LHFPL3: variants seen among roughly 807,000 people sequenced by gnomAD.
LHFPL3 encodes LHFPL tetraspan subfamily member 3 protein.
LHFPL3 carries 5 observed loss-of-function variants against 19.3 expected under a neutral mutation model. The ratio of observed to expected loss-of-function variants is 0.26; its 90% CI spans 0.14 to 0.54. The LOEUF is 0.54. Among genes scored for constraint, LHFPL3 ranks in the 20% least tolerant of loss-of-function variants. The pLI is 0.94. For missense variants in LHFPL3, 249 were observed against 307.4 expected (o/e 0.81, Z 1.42); for synonymous variants, 133 against 126.2 (o/e 1.05, Z -0.36).
Position 104,736,566 on chromosome 7 carries a change from C to G in LHFPL3, c.446-109C>G, listed in dbSNP as rs1023714038. 18 of 735,972 alleles carry G rather than the reference C, an allele frequency of 2.4e-5. No homozygotes were observed. The Admixed American group carries it at 3.2e-4, about 13-fold the overall frequency. The allele number at this position is 735,972 out of a possible 1,614,324, so 45.6% of individuals were successfully genotyped here. ...TGGTGAGATTTGCTGTTTTTTAAAT[C>G]AAGAATAATTTGAAACAATGATTCG... On this transcript the variant is annotated intron_variant, in intron 1 of 2. Coordinates refer to ENST00000424859, the MANE Select transcript of LHFPL3 (RefSeq NM_199000.3).
chr7:104,336,267 T>C (rs1190338913), intron 1 of LHFPL3, among the ~76,000 whole-genome samples: 1 of 152,166 alleles, frequency 6.6e-6, no homozygotes, highest in African/African-American at 2.4e-5. Flanking sequence ...AGATAAGTTA[T>C]TTGATGACTT....
intron 1 of LHFPL3, among the ~76,000 whole-genome samples, chr7:104,594,145 A>G (rs938178911): frequency 3.9e-5 from 6 of 152,184 alleles, no homozygotes; most frequent in Non-Finnish European, 8.8e-5. Context: ...AGTTTTTACA[A>G]TTTGGCCTGT....
intron 1 of LHFPL3, among the ~76,000 whole-genome samples, chr7:104,394,990 C>T (rs557230463): frequency 7.2e-5 from 11 of 152,048 alleles, no homozygotes; most frequent in South Asian, 4.2e-4. Flanking sequence ...TGAGCCAGCA[C>T]GCCAGGCTGC....
chr7:104,432,774 C>T (rs1210128866), intron 1 of LHFPL3, among the ~76,000 whole-genome samples: 1 of 152,004 alleles, frequency 6.6e-6, no homozygotes, highest in Non-Finnish European at 1.5e-5. Flanking sequence ...TGATCTCTCC[C>T]CCATATCCCA....
At chr7:104,420,554 A>ATTTTTTTTTTTTTTTTTTTTTTTTTTTTT (rs71153195) in intron 1 of LHFPL3, among the ~76,000 whole-genome samples, 3 of 112,710 alleles carry the variant, frequency 2.7e-5, no homozygotes, top group Non-Finnish European at 3.5e-5. Context: ...CAAAGGGTGA[A>ATTTTTTTTTTTTTTTTTTTTTTTTTTTTT]TTTTTTTTTT....
intron 1 of LHFPL3, among the ~76,000 whole-genome samples, chr7:104,528,969 C>T (rs988029325): frequency 1.3e-5 from 2 of 152,146 alleles, no homozygotes; most frequent in African/African-American, 4.8e-5. Context: ...GCATGGCTTG[C>T]TCTAGAAACT....
chr7:104,729,506 A>G (rs1793651599), intron 1 of LHFPL3, among the ~76,000 whole-genome samples: 1 of 152,136 alleles, frequency 6.6e-6, no homozygotes, highest in Non-Finnish European at 1.5e-5. Context: ...CCTGTTGACC[A>G]GTCTCTACTT....
intron 2 of LHFPL3, among the ~76,000 whole-genome samples, chr7:104,737,132 C>A (rs1281233700): frequency 7.6e-6 from 1 of 132,210 alleles, no homozygotes; most frequent in Non-Finnish European, 1.6e-5. Flanking sequence ...CTCCCTTAGT[C>A]CATTATTATT....
At chr7:104,518,152 G>T (rs998747217) in intron 1 of LHFPL3, among the ~76,000 whole-genome samples, 1 of 152,066 alleles carries the variant, frequency 6.6e-6, no homozygotes, top group African/African-American at 2.4e-5. Context: ...AAACCACTTT[G>T]ATAATTTATC....
At position 104,476,451 on chromosome 7, in the gene LHFPL3, CTT is replaced by C. The variant is rs10708859; in HGVS notation, c.445+147239_445+147240del. ...GAAATCAATGCTCTTTAGCTTCCCT[CTT>C]TTTTTTTTTTTATTTTTATTTTTGA... is the stretch of plus-strand genomic sequence containing the variant. On this transcript the variant is annotated intron_variant, in intron 1 of 2. Coordinates refer to ENST00000424859, the MANE Select transcript of LHFPL3 (RefSeq NM_199000.3). Among the ~76,000 whole-genome samples the C allele has an allele frequency of 4.2e-3, 626 of 147,594 alleles. 4 individuals carry two copies. Among genetic ancestry groups the C allele is most frequent in the African/African-American group, 0.014 (580 of 40,318 alleles).
At chr7:104,446,525 T>C (rs1792332822) in intron 1 of LHFPL3, among the ~76,000 whole-genome samples, 1 of 152,144 alleles carries the variant, frequency 6.6e-6, no homozygotes, top group Non-Finnish European at 1.5e-5. Flanking sequence ...TCAAAACTAT[T>C]TTATGTTTCA....
At chr7:104,784,877 G>A (rs191825978) in intron 2 of LHFPL3, among the ~76,000 whole-genome samples, 1 of 152,306 alleles carries the variant, frequency 6.6e-6, no homozygotes, top group East Asian at 1.9e-4. Flanking sequence ...CAAACTCATG[G>A]AAGTAGAAAG....
At chr7:104,880,844 G>C (rs1007107583) in intron 2 of LHFPL3, among the ~76,000 whole-genome samples, 1 of 152,166 alleles carries the variant, frequency 6.6e-6, no homozygotes, top group Non-Finnish European at 1.5e-5. Context: ...ATCAAGGAGA[G>C]TAATTTCTAC....
chr7:104,848,058 G>T (rs985760228), intron 2 of LHFPL3, among the ~76,000 whole-genome samples: 1 of 152,174 alleles, frequency 6.6e-6, no homozygotes, highest in African/African-American at 2.4e-5. Flanking sequence ...GTTCTAATGC[G>T]CTGGACAAAT....
At chr7:104,744,559 G>C (rs1233743026) in intron 2 of LHFPL3, among the ~76,000 whole-genome samples, 1 of 152,188 alleles carries the variant, frequency 6.6e-6, no homozygotes, top group Non-Finnish European at 1.5e-5. Context: ...TGCCCTTATA[G>C]AATTGTCTTA....
intron 1 of LHFPL3, among the ~76,000 whole-genome samples, chr7:104,371,261 T>A (rs914289327): frequency 6.6e-6 from 1 of 152,230 alleles, no homozygotes; most frequent in Admixed American, 6.5e-5. Flanking sequence ...AAAAAATTAA[T>A]CTTGTCTCCC....
chr7:104,541,425 G>T (rs563235146), intron 1 of LHFPL3, among the ~76,000 whole-genome samples: 106 of 152,258 alleles, frequency 7.0e-4, no homozygotes, highest in African/African-American at 2.4e-3. Flanking sequence ...TGCCATCATT[G>T]TGTCTGAACA....
intron 1 of LHFPL3, among the ~76,000 whole-genome samples, chr7:104,562,525 C>T (rs1191447740): frequency 6.6e-6 from 1 of 152,062 alleles, no homozygotes; most frequent in Non-Finnish European, 1.5e-5. Context: ...CCTTGGTTTT[C>T]AGCTCCATCA....
intron 1 of LHFPL3, among the ~76,000 whole-genome samples, chr7:104,420,626 C>G (rs1351759848): frequency 2.2e-5 from 3 of 135,716 alleles, no homozygotes; most frequent in East Asian, 2.2e-4. Context: ...GTGGCGCGAT[C>G]TCGGCTCACT....
Sources: gnomAD v4.1 joint callset for allele counts (sites outside exome capture counted in the v4.1 genomes callset) on GRCh38, gnomAD v4.1.1 for gene constraint, MANE v1.5 for transcripts, NCBI Gene and HGNC (gene_info 2026-07-23, HGNC 2026-07-21) for gene names.